MFHAS1: variants seen among roughly 807,000 people sequenced by gnomAD.
The protein encoded by MFHAS1 is malignant fibrous histiocytoma-amplified sequence 1.
MFHAS1 carries 50 observed loss-of-function variants against 70.4 expected under a neutral mutation model. That is an observed-to-expected ratio of 0.71 (90% confidence interval 0.57 to 0.90). The LOEUF (loss-of-function observed/expected upper bound fraction) is 0.90, where lower values mean the gene tolerates loss of function less well. Among genes scored for constraint, MFHAS1 ranks in the 40% least tolerant of loss-of-function variants. The probability of loss-of-function intolerance (pLI) is 0.00; values close to 1 mark genes in which losing one functional copy is unlikely to be tolerated. For missense variants in MFHAS1, 1,795 were observed against 1,347.6 expected (o/e 1.33, Z -5.20); for synonymous variants, 952 against 620.0 (o/e 1.54, Z -7.96).
chr8:8,848,781 C>T (rs1808128478), intron 1 of MFHAS1, among the ~76,000 whole-genome samples: 1 of 152,196 alleles, frequency 6.6e-6, no homozygotes, highest in African/African-American at 2.4e-5. Context: ...AGTCGGCCCA[C>T]AGGCTACTTA....
intron 1 of MFHAS1, among the ~76,000 whole-genome samples, chr8:8,826,484 G>A (rs976075817): frequency 1.3e-5 from 2 of 152,202 alleles, no homozygotes; most frequent in Admixed American, 6.5e-5. Flanking sequence ...TGTAATCCCA[G>A]CACTTTGAGA....
intron 1 of MFHAS1, among the ~76,000 whole-genome samples, chr8:8,865,267 A>G (rs1808813090): frequency 1.6e-5 from 2 of 124,860 alleles, no homozygotes; most frequent in South Asian, 5.4e-4. Context: ...ACAGAGTGAG[A>G]CTCCATCTCA....
At chr8:8,842,000 G>A (rs545369272) in intron 1 of MFHAS1, among the ~76,000 whole-genome samples, 181 of 152,242 alleles carry the variant, frequency 1.2e-3, no homozygotes, top group Middle Eastern at 6.8e-3. Flanking sequence ...AATCAGAGCC[G>A]GTGTTTCTCT....
intron 1 of MFHAS1, among the ~76,000 whole-genome samples, chr8:8,823,395 C>A (rs552207549): frequency 6.6e-6 from 1 of 152,134 alleles, no homozygotes; most frequent in Admixed American, 6.5e-5. Flanking sequence ...CGGGGCCCCG[C>A]GCTCCGATCC....
At chr8:8,804,307 T>A (rs1202662838) in intron 1 of MFHAS1, among the ~76,000 whole-genome samples, 1 of 152,194 alleles carries the variant, frequency 6.6e-6, no homozygotes, top group African/African-American at 2.4e-5. Context: ...TCTGGGCAAT[T>A]TAACAATGTA....
chr8:8,829,271 G>A (rs987132995), intron 1 of MFHAS1, among the ~76,000 whole-genome samples: 8 of 152,208 alleles, frequency 5.3e-5, no homozygotes, highest in Admixed American at 2.0e-4. Flanking sequence ...ACCCCCACCT[G>A]GAGGTCCTCT....
At chr8:8,873,610 T>C (rs1479495723) in intron 1 of MFHAS1, among the ~76,000 whole-genome samples, 1 of 151,962 alleles carries the variant, frequency 6.6e-6, no homozygotes, top group Non-Finnish European at 1.5e-5. Context: ...GGTATGAGGA[T>C]AAAACATCCA....
intron 1 of MFHAS1, among the ~76,000 whole-genome samples, chr8:8,877,012 G>T (rs1809323178): frequency 6.6e-6 from 1 of 151,992 alleles, no homozygotes; most frequent in Admixed American, 6.6e-5. Context: ...AGACATGGTG[G>T]TCCAGGGCTG....
At chr8:8,827,788 T>C (rs547245285) in intron 1 of MFHAS1, among the ~76,000 whole-genome samples, 4 of 152,278 alleles carry the variant, frequency 2.6e-5, no homozygotes, top group South Asian at 4.1e-4. Flanking sequence ...TGACACGCTT[T>C]GGGGGGAAAA....
chr8:8,847,762 T>C (rs891030395), intron 1 of MFHAS1, among the ~76,000 whole-genome samples: 1 of 152,206 alleles, frequency 6.6e-6, no homozygotes, highest in South Asian at 2.1e-4. Context: ...TCAACAGTGA[T>C]AGGAGAGTTT....
chr8:8,887,173 A>G lies in MFHAS1; in HGVS notation c.2998+2888T>C, dbSNP rs552313202. 1.3e-3 allele frequency among the ~76,000 whole-genome samples: 200 copies of G among 152,314 alleles called. 1 individual carries two copies. Among genetic ancestry groups the G allele is most frequent in the African/African-American group, 4.7e-3 (194 of 41,574 alleles). On this transcript the variant is annotated intron_variant, in intron 1 of 2. Transcript: ENST00000276282. ...AAAACATGAAAAGGCAAAGGCTGCC[A>G]ATAGATTCAAAGGGTTTCTGCTGAA...
chr8:8,882,473 G>C (rs566487495), intron 1 of MFHAS1, among the ~76,000 whole-genome samples: 2 of 152,082 alleles, frequency 1.3e-5, no homozygotes, highest in Non-Finnish European at 2.9e-5. Context: ...ATAGCCGTGC[G>C]TGGTGGCACA....
chr8:8,878,112 T>C (rs982476639), intron 1 of MFHAS1, among the ~76,000 whole-genome samples: 3 of 152,150 alleles, frequency 2.0e-5, no homozygotes, highest in Non-Finnish European at 4.4e-5. Context: ...TCTCCCCACC[T>C]TACCTCCACC....
chr8:8,796,852 T>C (rs55777707), intron 2 of MFHAS1, among the ~76,000 whole-genome samples: 118,450 of 150,504 alleles, frequency 0.79, 46,621 homozygotes, highest in East Asian at 0.91. Flanking sequence ...AAAAATTAGC[T>C]GGGCATGGTG....
At chr8:8,820,580 T>C (rs1465257290) in intron 1 of MFHAS1, among the ~76,000 whole-genome samples, 3 of 152,330 alleles carry the variant, frequency 2.0e-5, no homozygotes, top group East Asian at 3.9e-4. Context: ...ATCATGAATT[T>C]TTTTTTCATG....
At chr8:8,795,451 A>T (rs548886534) in intron 2 of MFHAS1, among the ~76,000 whole-genome samples, 1 of 152,366 alleles carries the variant, frequency 6.6e-6, no homozygotes, top group South Asian at 2.1e-4. Context: ...TTTAAGAAGC[A>T]CTTCAAGATT....
chr8:8,884,029 C>G (rs1809646343), intron 1 of MFHAS1, among the ~76,000 whole-genome samples: 1 of 146,278 alleles, frequency 6.8e-6, no homozygotes, highest in Non-Finnish European at 1.5e-5. Context: ...AAGGCCCTAT[C>G]TCTATTTCAC....
chr8:8,873,750 C>T (rs1278013756), intron 1 of MFHAS1, among the ~76,000 whole-genome samples: 1 of 152,124 alleles, frequency 6.6e-6, no homozygotes, highest in Non-Finnish European at 1.5e-5. Context: ...GTTTAGAAAA[C>T]AGATGGGACA....
chr8:8,859,226 C>A (rs1808570548), intron 1 of MFHAS1, among the ~76,000 whole-genome samples: 1 of 152,162 alleles, frequency 6.6e-6, no homozygotes, highest in Admixed American at 6.5e-5. Context: ...CGCCTGTAGT[C>A]CCAGCCACCT....
Sources: gnomAD v4.1 joint callset for allele counts (sites outside exome capture counted in the v4.1 genomes callset) on GRCh38, gnomAD v4.1.1 for gene constraint, MANE v1.5 for transcripts, NCBI Gene and HGNC (gene_info 2026-07-23, HGNC 2026-07-21) for gene names.